ADAM23: variants seen among roughly 807,000 people sequenced by gnomAD.
ADAM23 encodes ADAM metallopeptidase domain 23.
A neutral mutation model predicts 120.1 loss-of-function variants in ADAM23; 33 were observed. The ratio of observed to expected loss-of-function variants is 0.27; its 90% confidence interval spans 0.21 to 0.37. The LOEUF (loss-of-function observed/expected upper bound fraction) is 0.37, where lower values mean the gene tolerates loss of function less well. Among genes scored for constraint, ADAM23 ranks in the 10% least tolerant of loss-of-function variants. ADAM23 has a pLI of 1.00. For missense variants in ADAM23, 862 were observed against 1,058.2 expected (o/e 0.81, Z 2.57); for synonymous variants, 367 against 375.2 (o/e 0.98, Z 0.25).
chr2:206,561,932 T>C (rs544582636), intron 12 of ADAM23, among the ~76,000 whole-genome samples: 4 of 152,352 alleles, frequency 2.6e-5, no homozygotes, highest in African/African-American at 9.6e-5. Context: ...TAGTTTGGTA[T>C]AAGTTGAATT....
At chr2:206,529,973 G>A (rs961057478) in intron 3 of ADAM23, among the ~76,000 whole-genome samples, 4 of 152,008 alleles carry the variant, frequency 2.6e-5, no homozygotes, top group African/African-American at 9.7e-5. Flanking sequence ...CACCACGCGC[G>A]GCTAATTTTT....
In ADAM23 at chr2:206,513,706, T is replaced by C. The variant is rs144220533; in HGVS notation, c.510-17179T>C. ...GCCTTCCTATTGGAAGAAGACTCCA[T>C]CTAGGACTTTCCTAACTAGAGAGGA... On this transcript the variant is annotated intron_variant, in intron 3 of 25. Coordinates refer to ENST00000264377, the MANE Select transcript of ADAM23 (RefSeq NM_003812.4). Among the ~76,000 whole-genome samples the C allele has an allele frequency of 4.8e-3, 738 of 152,322 alleles. 4 individuals are homozygous for C. Among genetic ancestry groups the C allele is most frequent in the Middle Eastern group, 0.017 (5 of 294 alleles).
chr2:206,589,627 C>A, intron 21 of ADAM23, 113 bp downstream of exon 21: 2 of 767,614 alleles, frequency 2.6e-6, no homozygotes, highest in African/African-American at 1.7e-5. Context: ...TTCACCATTC[C>A]AAAATTTAAA....
intron 24 of ADAM23, chr2:206,607,136 CT>C (rs1370241497): frequency 1.3e-5 from 2 of 152,200 alleles, no homozygotes; most frequent in African/African-American, 4.8e-5. Flanking sequence ...TTTGACCAGA[CT>C]TAGATCTTCC....
At chr2:206,472,316 T>C (rs540328111) in intron 2 of ADAM23, among the ~76,000 whole-genome samples, 19 of 152,178 alleles carry the variant, frequency 1.2e-4, no homozygotes, top group African/African-American at 4.3e-4. Flanking sequence ...TTTGCATATT[T>C]AAGAGTACTT....
At chr2:206,485,337 A>T (rs1033899893) in intron 3 of ADAM23, among the ~76,000 whole-genome samples, 1 of 152,208 alleles carries the variant, frequency 6.6e-6, no homozygotes, top group Non-Finnish European at 1.5e-5. Context: ...CTTCTGAGGA[A>T]AGAGGGACCT....
At chr2:206,583,836 C>A (rs901061145) in intron 18 of ADAM23, among the ~76,000 whole-genome samples, 1 of 152,092 alleles carries the variant, frequency 6.6e-6, no homozygotes, top group Non-Finnish European at 1.5e-5. Flanking sequence ...TATAACTAAC[C>A]TCCTGAAATT....
chr2:206,495,535 A>G (rs533193562), intron 3 of ADAM23, among the ~76,000 whole-genome samples: 1 of 152,228 alleles, frequency 6.6e-6, no homozygotes, highest in Non-Finnish European at 1.5e-5. Flanking sequence ...GGTACCAGCC[A>G]CTGCAAAAAC....
At chr2:206,516,967 T>C (rs1696746529) in intron 3 of ADAM23, among the ~76,000 whole-genome samples, 1 of 152,074 alleles carries the variant, frequency 6.6e-6, no homozygotes, top group South Asian at 2.1e-4. Flanking sequence ...ACCAGCAGCA[T>C]TTCCTTGTCT....
intron 3 of ADAM23, among the ~76,000 whole-genome samples, chr2:206,496,127 A>C (rs913161843): frequency 7.3e-4 from 111 of 152,300 alleles, no homozygotes; most frequent in African/African-American, 2.7e-3. Flanking sequence ...CCAGGAATTG[A>C]ACTCAGCTCT....
intron 9 of ADAM23, among the ~76,000 whole-genome samples, chr2:206,553,244 C>T (rs1246832228): frequency 6.6e-6 from 1 of 151,990 alleles, no homozygotes; most frequent in Non-Finnish European, 1.5e-5. Context: ...TACACACACA[C>T]ACATATACAT....
intron 4 of ADAM23, among the ~76,000 whole-genome samples, chr2:206,534,263 A>G (rs1481609110): frequency 2.0e-5 from 3 of 152,222 alleles, no homozygotes; most frequent in Non-Finnish European, 1.5e-5. Context: ...ATGAAATAAT[A>G]TAATAGGTGG....
intron 4 of ADAM23, among the ~76,000 whole-genome samples, chr2:206,536,138 A>G (rs1474969413): frequency 3.3e-5 from 5 of 152,198 alleles, no homozygotes; most frequent in African/African-American, 1.2e-4. Flanking sequence ...TTTACTGTAT[A>G]GCATAATGTC....
intron 24 of ADAM23, among the ~76,000 whole-genome samples, chr2:206,609,349 AGTGT>A (rs1362465051): frequency 6.6e-6 from 1 of 152,212 alleles, no homozygotes; most frequent in Non-Finnish European, 1.5e-5. Flanking sequence ...ATAGTGAAGA[AGTGT>A]ATCTTTGAGA....
rs1695022990 is a variant in ADAM23 at position 206,444,074 on chromosome 2, C to G, written c.208C>G (p.Pro70Ala). Residue 70 changes from proline (P) to alanine (A), a missense_variant, in exon 1 of 26, where the codon CCC becomes GCC. This residue lies in a region of ADAM23 where 225 missense variants were observed against 204.0 expected (regional missense o/e 1.10). Transcript: ENST00000264377. ...GCCCCGCGCCTGGGGGGCTGCTGCGCCCAGCGGTGGGTATGGCCCCGTGCC... is the reference window on the plus strand; with the variant it reads ...GCCCCGCGCCTGGGGGGCTGCTGCGGCCAGCGGTGGGTATGGCCCCGTGCC... ...SRPRAWGAAA[P>A]SAPHWNETAE... 1.5e-6 allele frequency: 2 copies of G among 1,363,578 alleles called. No individual in the cohort carries two copies. Among genetic ancestry groups the G allele is most frequent in the Non-Finnish European group, 1.9e-6 (2 of 1,057,360 alleles). The allele number at this position is 1,363,578 out of a possible 1,614,324, so 84.5% of individuals were successfully genotyped here.
At chr2:206,562,367 A>C (rs766745404) in intron 13 of ADAM23, 74 bp downstream of exon 13, 189 of 1,092,828 alleles carry the variant, frequency 1.7e-4, no homozygotes, top group Non-Finnish European at 2.2e-4. Flanking sequence ...TCAATAAATA[A>C]ATATTTTTCA....
At chr2:206,609,657 T>A (rs982426003) in intron 24 of ADAM23, 9 of 412,246 alleles carry the variant, frequency 2.2e-5, no homozygotes, top group Non-Finnish European at 3.0e-5. Context: ...TTGCTTCAAA[T>A]TCTGTGAAAG....
chr2:206,604,135 G>A (rs1224733715), intron 24 of ADAM23, among the ~76,000 whole-genome samples: 1 of 152,022 alleles, frequency 6.6e-6, no homozygotes, highest in Non-Finnish European at 1.5e-5. Context: ...GTGTGGTGGT[G>A]CGCACCTGTA....
chr2:206,573,586 T>TA (rs888428207), intron 18 of ADAM23, among the ~76,000 whole-genome samples: 21 of 152,030 alleles, frequency 1.4e-4, no homozygotes, highest in Non-Finnish European at 2.9e-5. Context: ...AATAGGCAAT[T>TA]ACTTTCTTGT....
Sources: gnomAD v4.1 joint callset for allele counts (sites outside exome capture counted in the v4.1 genomes callset) on GRCh38, gnomAD v4.1.1 for gene constraint, gnomAD v4.1.1 regional missense constraint, MANE v1.5 for transcripts, NCBI Gene and HGNC (gene_info 2026-07-23, HGNC 2026-07-21) for gene names.